The following PCDH15 variants were observed in gnomAD, a reference collection of about 807,000 sequenced individuals.
PCDH15 encodes the protein protocadherin related 15.
PCDH15 carries 129 observed loss-of-function variants against 178.5 expected under a neutral mutation model. The ratio of observed to expected loss-of-function variants is 0.72; its 90% CI spans 0.63 to 0.84. The LOEUF (loss-of-function observed/expected upper bound fraction) is 0.84, where lower values mean the gene tolerates loss of function less well. Ranked by LOEUF, PCDH15 falls within the 40% of genes least tolerant of loss-of-function variation. The pLI is 0.00. For missense variants in PCDH15, 2,230 were observed against 2,099.9 expected (o/e 1.06, Z -1.21); for synonymous variants, 800 against 732.0 (o/e 1.09, Z -1.50).
chr10:55,621,390 G>A (rs374002536), intron 2 of PCDH15, among the ~76,000 whole-genome samples: 1 of 151,974 alleles, frequency 6.6e-6, no homozygotes, highest in Non-Finnish European at 1.5e-5. Flanking sequence ...AATGGTCCCC[G>A]CACCCCAGAG....
intron 7 of PCDH15, among the ~76,000 whole-genome samples, chr10:54,319,195 C>A: frequency 6.6e-6 from 1 of 152,192 alleles, no homozygotes; most frequent in African/African-American, 2.4e-5. Flanking sequence ...TTTTTGAATT[C>A]TATTTTGTAC....
chr10:54,463,509 T>G (rs1258742729), intron 3 of PCDH15, among the ~76,000 whole-genome samples: 1 of 152,142 alleles, frequency 6.6e-6, no homozygotes, highest in Non-Finnish European at 1.5e-5. Flanking sequence ...ACTAAGCCCC[T>G]AAATGTATTA....
intron 3 of PCDH15, among the ~76,000 whole-genome samples, chr10:54,500,656 C>A (rs939651301): frequency 1.3e-5 from 2 of 151,896 alleles, no homozygotes; most frequent in Non-Finnish European, 1.5e-5. Flanking sequence ...GTGGTGAAAC[C>A]CTGTCTCTAC....
At chr10:54,559,521 G>A (rs920467735) in intron 2 of PCDH15, among the ~76,000 whole-genome samples, 7 of 151,888 alleles carry the variant, frequency 4.6e-5, no homozygotes, top group African/African-American at 1.7e-4. Flanking sequence ...TTGTGTATGT[G>A]GTCTGATTAT....
At chr10:54,679,111 A>AC (rs1341403619) in intron 1 of PCDH15, among the ~76,000 whole-genome samples, 1 of 146,002 alleles carries the variant, frequency 6.8e-6, no homozygotes. Flanking sequence ...AATGGCGTGA[A>AC]CCCAGGAGGC....
intron 2 of PCDH15, among the ~76,000 whole-genome samples, chr10:54,630,868 AG>A (rs2093683313): frequency 6.6e-6 from 1 of 152,198 alleles, no homozygotes; most frequent in African/African-American, 2.4e-5. Flanking sequence ...CAGTTCTCAA[AG>A]GAAGACTTAC....
At chr10:55,319,524 T>C (rs1345808217) in intron 1 of PCDH15, 3 of 152,132 alleles carry the variant, frequency 2.0e-5, no homozygotes, top group Non-Finnish European at 4.4e-5. Flanking sequence ...ACTGACGCAC[T>C]CCAAGCAGAT....
chr10:53,822,483 G>A (rs1449720174), intron 32 of PCDH15: 2 of 1,609,566 alleles, frequency 1.2e-6, no homozygotes, highest in Non-Finnish European at 1.7e-6. Context: ...AGGAGGAGGG[G>A]GAAGGGGACA....
intron 2 of PCDH15, among the ~76,000 whole-genome samples, chr10:55,560,004 C>T (rs1487806141): frequency 2.0e-5 from 3 of 151,820 alleles, no homozygotes; most frequent in Admixed American, 1.3e-4. Flanking sequence ...ACACTGTAGG[C>T]CATTAAGGAC....
chr10:53,827,452 C>G lies in PCDH15; in HGVS notation c.4308G>C (p.Pro1436=). ...CACCTGGCGGAGGCGGCGGCGGCGG[C>G]GGGGGCGCTGCCACTGGTGCAGGAG... ...VPAPAPVAAP[P]PPPPPPPGAH... Residue 1436 remains proline (P), a synonymous_variant, in exon 32 of 38, where the codon CCG becomes CCC. Coordinates refer to ENST00000644397, the MANE Select transcript of PCDH15 (RefSeq NM_001384140.1). 6.2e-7 allele frequency: 1 copy of G among 1,613,094 alleles called. No individual in the cohort carries two copies. The highest frequency in any genetic ancestry group is 8.5e-7 in the Non-Finnish European group (1 of 1,179,464).
At chr10:53,965,531 A>C (rs1429188324) in intron 21 of PCDH15, among the ~76,000 whole-genome samples, 1 of 152,244 alleles carries the variant, frequency 6.6e-6, no homozygotes, top group Non-Finnish European at 1.5e-5. Flanking sequence ...TAAAGGCAAT[A>C]GTCCTTTACC....
intron 13 of PCDH15, among the ~76,000 whole-genome samples, chr10:54,173,259 A>C (rs150381522): frequency 6.6e-6 from 1 of 152,304 alleles, no homozygotes; most frequent in African/African-American, 2.4e-5. Flanking sequence ...GTAATTACTT[A>C]AGGTCATAAA....
chr10:55,344,426 T>A (rs1201678662), intron 2 of PCDH15, among the ~76,000 whole-genome samples: 1 of 152,026 alleles, frequency 6.6e-6, no homozygotes, highest in Non-Finnish European at 1.5e-5. Flanking sequence ...ATTGCAGTAA[T>A]TTAAAGCAGA....
intron 1 of PCDH15, among the ~76,000 whole-genome samples, chr10:55,258,927 G>A (rs1215214554): frequency 2.0e-5 from 3 of 151,990 alleles, no homozygotes; most frequent in Non-Finnish European, 4.4e-5. Context: ...ACAATGAGAT[G>A]TCCCTCATTT....
intron 3 of PCDH15, among the ~76,000 whole-genome samples, chr10:54,400,111 T>A (rs957534826): frequency 1.3e-5 from 2 of 151,942 alleles, no homozygotes; most frequent in Admixed American, 6.6e-5. Flanking sequence ...CGGAAAAAAA[T>A]TGAAGTAGAT....
At chr10:54,218,268 T>C (rs2052339853) in intron 9 of PCDH15, among the ~76,000 whole-genome samples, 1 of 150,708 alleles carries the variant, frequency 6.6e-6, no homozygotes, top group South Asian at 2.1e-4. Context: ...CATTGAGCAC[T>C]AAATGCTGCT....
At chr10:54,287,746 T>G (rs145934317) in intron 8 of PCDH15, among the ~76,000 whole-genome samples, 52 of 152,304 alleles carry the variant, frequency 3.4e-4, no homozygotes, top group African/African-American at 1.2e-3. Flanking sequence ...TCTCTGTCAT[T>G]AGTTTCATTA....
intron 2 of PCDH15, among the ~76,000 whole-genome samples, chr10:55,115,409 G>A (rs569787276): frequency 5.3e-5 from 8 of 152,308 alleles, no homozygotes; most frequent in African/African-American, 7.2e-5. Flanking sequence ...AGCATTCAGC[G>A]TTGGAACAAC....
At chr10:54,325,965 T>TG (rs1937966866) in intron 7 of PCDH15, among the ~76,000 whole-genome samples, 1 of 151,824 alleles carries the variant, frequency 6.6e-6, no homozygotes, top group Admixed American at 6.6e-5. Flanking sequence ...AAAATGGAGG[T>TG]ACATTTTAGA....
Sources: gnomAD v4.1 joint callset for allele counts (sites outside exome capture counted in the v4.1 genomes callset) on GRCh38, gnomAD v4.1.1 for gene constraint, MANE v1.5 for transcripts, NCBI Gene and HGNC (gene_info 2026-07-23, HGNC 2026-07-21) for gene names.